Variants in CCDC146 observed in about 807,000 individuals in gnomAD.
CCDC146 encodes the protein coiled-coil domain-containing protein 146.
In CCDC146, 92 loss-of-function variants were observed where a neutral mutation model predicts 119.3. The ratio of observed to expected loss-of-function variants is 0.77; its 90% CI spans 0.65 to 0.92. CCDC146 has a LOEUF of 0.92. Ranked by LOEUF, CCDC146 falls within the 40% of genes least tolerant of loss-of-function variation. The probability of loss-of-function intolerance (pLI) is 0.00; values close to 1 mark genes in which losing one functional copy is unlikely to be tolerated. For missense variants in CCDC146, 1,000 were observed against 1,103.0 expected, an observed-to-expected ratio of 0.91 and a Z score of 1.32; for synonymous variants, 372 against 371.8, an observed-to-expected ratio of 1.00 and a Z score of -0.01.
chr7:77,162,798 CT>C, intron 1 of CCDC146, among the ~76,000 whole-genome samples: 1 of 151,906 alleles, frequency 6.6e-6, no homozygotes, highest in South Asian at 2.1e-4. Context: ...TTATTTATGT[CT>C]AATTTCTTTC....
At chr7:77,171,323 C>T (rs1044054481) in intron 2 of CCDC146, among the ~76,000 whole-genome samples, 3 of 152,154 alleles carry the variant, frequency 2.0e-5, no homozygotes, top group African/African-American at 2.4e-5. Context: ...CCAAAACACC[C>T]GACAGCTGCT....
rs934323531 is a variant in CCDC146, at chr7:77,242,052, G to A, written c.449+152G>A. ...CTCTTGATTCCTTAGAATGGAATGG[G>A]AATTCCCTGAACAAGAAAGTTACAC... On this transcript the variant is annotated intron_variant, in intron 4 of 18. Coordinates refer to ENST00000285871, the MANE Select transcript of CCDC146 (RefSeq NM_020879.3). The A allele has an allele frequency of 3.4e-5, 22 of 646,922 alleles. No individual in the cohort carries two copies. In the Middle Eastern group the frequency reaches 1.7e-3, roughly 51 times the overall value. 40.1% of individuals were successfully genotyped at this position (646,922 alleles called of 1,614,324 possible).
chr7:77,228,061 C>T (rs1011958602), intron 2 of CCDC146, among the ~76,000 whole-genome samples: 17 of 152,226 alleles, frequency 1.1e-4, no homozygotes, highest in Non-Finnish European at 2.4e-4. Flanking sequence ...CCATTTCTAA[C>T]ACTTGCTGCT....
intron 2 of CCDC146, among the ~76,000 whole-genome samples, chr7:77,174,812 T>C (rs1210024759): frequency 2.0e-5 from 3 of 152,224 alleles, no homozygotes; most frequent in East Asian, 1.9e-4. Context: ...TTGAAGATAA[T>C]GAATAAAGTT....
At chr7:77,174,706 G>A (rs1351925080) in intron 2 of CCDC146, among the ~76,000 whole-genome samples, 2 of 152,266 alleles carry the variant, frequency 1.3e-5, no homozygotes, top group East Asian at 3.9e-4. Flanking sequence ...CCCCACCTCC[G>A]AAGTCGAGTT....
At chr7:77,161,337 C>T (rs528508920) in intron 1 of CCDC146, among the ~76,000 whole-genome samples, 31 of 151,998 alleles carry the variant, frequency 2.0e-4, no homozygotes, top group African/African-American at 6.8e-4. Context: ...CACACGCACA[C>T]GTATGTTTAT....
At chr7:77,263,220 T>C (rs558534599) in intron 9 of CCDC146, among the ~76,000 whole-genome samples, 140 of 152,254 alleles carry the variant, frequency 9.2e-4, no homozygotes, top group African/African-American at 3.2e-3. Flanking sequence ...AGCAGAGTCA[T>C]ATAACTCATT....
intron 2 of CCDC146, among the ~76,000 whole-genome samples, chr7:77,231,918 T>C (rs1027934295): frequency 1.3e-5 from 2 of 152,042 alleles, no homozygotes; most frequent in East Asian, 3.9e-4. Context: ...AATTTTTCAT[T>C]GTAAATTGGA....
At chr7:77,277,868 T>A (rs1793679512) in intron 11 of CCDC146, among the ~76,000 whole-genome samples, 1 of 152,216 alleles carries the variant, frequency 6.6e-6, no homozygotes. Context: ...ATCCTTCATT[T>A]TTGAATATGT....
intron 2 of CCDC146, chr7:77,199,271 T>C (rs1302728901): frequency 2.5e-6 from 4 of 1,614,094 alleles, no homozygotes; most frequent in Non-Finnish European, 3.4e-6. Context: ...GCCACTTTGC[T>C]GTCAACATAA....
intron 18 of CCDC146, 24 bp from the exon 19 acceptor site, chr7:77,294,639 A>G (rs750219870): frequency 6.2e-7 from 1 of 1,612,348 alleles, no homozygotes; most frequent in Admixed American, 1.7e-5. Flanking sequence ...CAGAGAACTG[A>G]AAAGGAAAAA....
chr7:77,263,383 G>A (rs1041449870), intron 9 of CCDC146, among the ~76,000 whole-genome samples: 1 of 152,172 alleles, frequency 6.6e-6, no homozygotes, highest in Admixed American at 6.5e-5. Flanking sequence ...GGGAGCAGCC[G>A]GGAATGCTGA....
chr7:77,134,225 G>A (rs1790828642), intron 1 of CCDC146, among the ~76,000 whole-genome samples: 1 of 151,922 alleles, frequency 6.6e-6, no homozygotes, highest in Admixed American at 6.6e-5. Context: ...AGAGCCAAAT[G>A]TAGTGTCATT....
intron 9 of CCDC146, among the ~76,000 whole-genome samples, chr7:77,271,500 C>T (rs1211929050): frequency 1.6e-5 from 2 of 124,746 alleles, no homozygotes; most frequent in Admixed American, 8.5e-5. Flanking sequence ...TATATACACA[C>T]ACACTAATAG....
chr7:77,131,713 G>A (rs1212493501), intron 1 of CCDC146, among the ~76,000 whole-genome samples: 1 of 152,170 alleles, frequency 6.6e-6, no homozygotes, highest in Non-Finnish European at 1.5e-5. Context: ...GTGAGACTCC[G>A]TCTAAAAGAA....
intron 17 of CCDC146, among the ~76,000 whole-genome samples, chr7:77,291,316 A>C (rs1793939081): frequency 6.6e-6 from 1 of 152,086 alleles, no homozygotes; most frequent in Admixed American, 6.5e-5. Context: ...CCCTAATTCC[A>C]GTTTTACTTC....
intron 8 of CCDC146, among the ~76,000 whole-genome samples, chr7:77,261,386 C>T (rs1793293810): frequency 6.6e-6 from 1 of 152,148 alleles, no homozygotes; most frequent in African/African-American, 2.4e-5. Flanking sequence ...GGTTTTCTGT[C>T]CCTGCATTGG....
At chr7:77,281,113 CA>C (rs368247535) in intron 14 of CCDC146, among the ~76,000 whole-genome samples, 239 of 131,480 alleles carry the variant, frequency 1.8e-3, no homozygotes, top group Middle Eastern at 3.9e-3. Context: ...CAAAAACAAA[CA>C]AAAAAAAAAA....
rs79373124 is a variant in CCDC146 at position 77,247,197 on chromosome 7, A to G, written c.449+5297A>G. Among the ~76,000 whole-genome samples the G allele has an allele frequency of 7.0e-3, 1,068 of 152,280 alleles. 15 individuals are homozygous for G. The highest frequency in any genetic ancestry group is 0.024 in the African/African-American group (1,012 of 41,572). On this transcript the variant is annotated intron_variant, in intron 4 of 18. Transcript: ENST00000285871. ...TAGAGGAAATAAGTCAGTATTTCCTAATAAAAAAAGAAAAATGTATCATAG... is the reference window on the plus strand; with the variant it reads ...TAGAGGAAATAAGTCAGTATTTCCTGATAAAAAAAGAAAAATGTATCATAG...
Sources: allele counts gnomAD v4.1 joint callset (sites outside exome capture counted in the v4.1 genomes callset), GRCh38; gene constraint gnomAD v4.1.1; transcripts MANE v1.5; gene names NCBI Gene and HGNC (gene_info 2026-07-23, HGNC 2026-07-21).